The following MEAK7 variants were observed in gnomAD, a reference collection of about 807,000 sequenced individuals.
MEAK7 encodes MTOR associated protein MEAK7.
MEAK7 carries 68 observed loss-of-function variants against 40.5 expected under a neutral mutation model. The observed-to-expected ratio is 1.68, with a 90% CI of 1.38 to 2.06. MEAK7 has a LOEUF of 2.06. Among genes scored for constraint, MEAK7 ranks in the 30% most tolerant of loss-of-function variants. The pLI is 0.00. For synonymous variants in MEAK7, 338 were observed against 231.9 expected (o/e 1.46, Z -4.16); for missense variants, 918 against 580.5 (o/e 1.58, Z -5.98).
intron 5 of MEAK7, among the ~76,000 whole-genome samples, chr16:84,485,824 G>C (rs1913002277): frequency 6.6e-6 from 1 of 152,172 alleles, no homozygotes; most frequent in African/African-American, 2.4e-5. Flanking sequence ...TGGGATTACA[G>C]GCATGCGCCA....
chr16:84,501,387 GC>G (rs1914494545), intron 1 of MEAK7, among the ~76,000 whole-genome samples: 1 of 152,084 alleles, frequency 6.6e-6, no homozygotes, highest in Non-Finnish European at 1.5e-5. Context: ...ACTCCACCCA[GC>G]CCCTCACTTC....
At chr16:84,501,863 G>A (rs796939427) in intron 1 of MEAK7, among the ~76,000 whole-genome samples, 3 of 152,342 alleles carry the variant, frequency 2.0e-5, no homozygotes, top group African/African-American at 7.2e-5. Context: ...TAAAGAAATG[G>A]CAATGGTGTG....
chr16:84,480,477 G>T, intron 7 of MEAK7, 52 bp downstream of exon 7: 2 of 1,517,984 alleles, frequency 1.3e-6, no homozygotes, highest in South Asian at 2.6e-5. Context: ...AATGCAGAAA[G>T]GCCCCCAGGC....
rs149963715 is a variant in MEAK7 at position 84,483,254 on chromosome 16, C to T, written c.959-544G>A. Reference sequence around the variant, plus strand: ...CGCCCAAAGGCATGGGGTGGGCACACAGGCCATTAAAAGAAAGGTACCAGT... The same window carrying T: ...CGCCCAAAGGCATGGGGTGGGCACATAGGCCATTAAAAGAAAGGTACCAGT... On this transcript the variant is annotated intron_variant, in intron 5 of 7. Transcript: ENST00000343629. Among the ~76,000 whole-genome samples the T allele has an allele frequency of 1.0e-2, 1,519 of 152,316 alleles. 18 individuals carry two copies. The highest frequency in any genetic ancestry group is 0.018 in the Non-Finnish European group (1,199 of 68,026).
intron 3 of MEAK7, among the ~76,000 whole-genome samples, chr16:84,491,316 T>C (rs1342466997): frequency 1.3e-5 from 2 of 151,954 alleles, no homozygotes; most frequent in East Asian, 1.9e-4. Context: ...GGTGGGCAGA[T>C]CATTTGAGGT....
Position 84,482,652 on chromosome 16 carries a change from C to T in MEAK7, c.1017G>A (p.Thr339=), listed in dbSNP as rs779874493. ...ICPSMAVYTH[T]GYNDHYMYLN... ...AGTACATGTAGTGGTCGTTGTAGCCCGTGTGTGTGTACACAGCCATGCTGG... is the reference window on the plus strand; with the variant it reads ...AGTACATGTAGTGGTCGTTGTAGCCTGTGTGTGTGTACACAGCCATGCTGG... The change falls in exon 6 of 8, where the codon ACG becomes ACA. Residue 339 remains threonine (T), a synonymous_variant. Coordinates refer to ENST00000343629, the MANE Select transcript of MEAK7 (RefSeq NM_020947.4). 5.0e-6 allele frequency: 8 copies of T among 1,614,020 alleles called. No homozygotes were observed. In the East Asian group the frequency reaches 6.7e-5, roughly 13 times the overall value.
chr16:84,496,066 C>G (rs952675390), intron 2 of MEAK7, among the ~76,000 whole-genome samples, 153 bp from the exon 3 acceptor site: 1 of 152,176 alleles, frequency 6.6e-6, no homozygotes, highest in African/African-American at 2.4e-5. Flanking sequence ...TGTAAAGCCC[C>G]GTCTCTTAGA....
At chr16:84,498,762 T>G (rs1914263017) in intron 1 of MEAK7, among the ~76,000 whole-genome samples, 1 of 152,180 alleles carries the variant, frequency 6.6e-6, no homozygotes, top group Non-Finnish European at 1.5e-5. Context: ...ATCTAAATAT[T>G]CATTCTTTAA....
At chr16:84,498,992 T>C (rs183432367) in intron 1 of MEAK7, among the ~76,000 whole-genome samples, 5 of 152,270 alleles carry the variant, frequency 3.3e-5, no homozygotes, top group Admixed American at 2.6e-4. Context: ...CCTCAGAAGA[T>C]TGCCGTGATT....
chr16:84,494,605 T>C (rs1250768329), intron 3 of MEAK7: 17 of 311,262 alleles, frequency 5.5e-5, no homozygotes. Context: ...CAGAGTAATA[T>C]GGCCTATATG....
At chr16:84,482,257 G>C (rs757622263) in intron 6 of MEAK7, among the ~76,000 whole-genome samples, 11 of 152,236 alleles carry the variant, frequency 7.2e-5, no homozygotes, top group Non-Finnish European at 1.0e-4. Flanking sequence ...AGGCAGGCCA[G>C]CGACGCGCAG....
intron 2 of MEAK7, 38 bp downstream of exon 2, chr16:84,497,896 C>G (rs1597965978): frequency 6.2e-7 from 1 of 1,613,524 alleles, no homozygotes; most frequent in East Asian, 2.2e-5. Flanking sequence ...CAGACCCCTG[C>G]TCCCAACTAA....
intron 2 of MEAK7, chr16:84,497,002 G>C (rs184122220): frequency 5.9e-6 from 1 of 168,810 alleles, no homozygotes. Flanking sequence ...CTTGGGCTCA[G>C]CATGTATTTT....
At chr16:84,491,127 C>T (rs925032048) in intron 3 of MEAK7, among the ~76,000 whole-genome samples, 1 of 152,174 alleles carries the variant, frequency 6.6e-6, no homozygotes, top group South Asian at 2.1e-4. Context: ...GGAGACAATT[C>T]AAATTATTTA....
intron 1 of MEAK7, chr16:84,504,233 C>T: frequency 1.1e-6 from 1 of 882,714 alleles, no homozygotes; most frequent in Non-Finnish European, 1.4e-6. Context: ...AGACTCGCCT[C>T]CTCCGTGGAG....
intron 3 of MEAK7, among the ~76,000 whole-genome samples, chr16:84,495,069 G>GA (rs1379090086): frequency 8.5e-5 from 13 of 152,138 alleles, no homozygotes; most frequent in African/African-American, 3.1e-4. Context: ...AGGAGTTGGA[G>GA]ACCAGCCTGG....
At chr16:84,494,377 T>A (rs1913871721) in intron 3 of MEAK7, among the ~76,000 whole-genome samples, 1 of 152,200 alleles carries the variant, frequency 6.6e-6, no homozygotes. Flanking sequence ...ACCCTAGAAT[T>A]TTTTCCTGGC....
At chr16:84,501,750 C>T (rs1041044247) in intron 1 of MEAK7, among the ~76,000 whole-genome samples, 3 of 152,124 alleles carry the variant, frequency 2.0e-5, no homozygotes, top group Non-Finnish European at 4.4e-5. Flanking sequence ...GCGCTGTCCA[C>T]AGCACTGCCA....
At chr16:84,493,595 T>C (rs537276980) in intron 3 of MEAK7, among the ~76,000 whole-genome samples, 2 of 152,356 alleles carry the variant, frequency 1.3e-5, no homozygotes, top group South Asian at 4.1e-4. Flanking sequence ...AATTAAAATA[T>C]ACTCTAGTGA....
Sources: gnomAD v4.1 joint callset for allele counts (sites outside exome capture counted in the v4.1 genomes callset) on GRCh38, gnomAD v4.1.1 for gene constraint, MANE v1.5 for transcripts, NCBI Gene and HGNC (gene_info 2026-07-23, HGNC 2026-07-21) for gene names.